The following ALDH2 variants were observed in gnomAD, a reference collection of about 807,000 sequenced individuals.
The protein encoded by ALDH2 is aldehyde dehydrogenase 2 family member, also known as aldehyde dehydrogenase, mitochondrial.
A neutral mutation model predicts 59.6 loss-of-function variants in ALDH2; 44 were observed. The observed-to-expected ratio is 0.74, with a 90% CI of 0.58 to 0.95. ALDH2 has a LOEUF of 0.95. Among genes scored for constraint, ALDH2 ranks in the 40% least tolerant of loss-of-function variants. ALDH2 has a pLI of 0.00. For synonymous variants in ALDH2, 291 were observed against 284.0 expected, an observed-to-expected ratio of 1.02 and a Z score of -0.25; for missense variants, 570 against 696.3, an observed-to-expected ratio of 0.82 and a Z score of 2.04.
At position 111,766,963 on chromosome 12, in the gene ALDH2, C is replaced by G; in HGVS notation, c.-20C>G. On this transcript the variant is annotated 5_prime_UTR_variant, in exon 1 of 13. Coordinates refer to ENST00000261733, the MANE Select transcript of ALDH2 (RefSeq NM_000690.4). Reference sequence around the variant, plus strand: ...CCTAGCTCTGCTCTCGGTCCGCTCGCTGTCCGCTAGCCCGCTGCGATGTTG... The same window carrying G: ...CCTAGCTCTGCTCTCGGTCCGCTCGGTGTCCGCTAGCCCGCTGCGATGTTG... 1.3e-6 allele frequency: 2 copies of G among 1,516,902 alleles called. No homozygotes were observed. The highest frequency in any genetic ancestry group is 1.8e-6 in the Non-Finnish European group (2 of 1,138,730). 94.0% of individuals were successfully genotyped at this position (1,516,902 alleles called of 1,614,324 possible). A position where few individuals can be genotyped will look rare whatever the true frequency, so the allele number is the denominator to read the frequency against.
intron 1 of ALDH2, among the ~76,000 whole-genome samples, chr12:111,781,160 A>C (rs767815259): frequency 2.0e-5 from 3 of 152,130 alleles, no homozygotes; most frequent in African/African-American, 7.2e-5. Context: ...TCTCACAACA[A>C]ATTTGTGTGG....
chr12:111,812,952 A>G lies in ALDH2; in HGVS notation c.*3377A>G, dbSNP rs2136032468. On this transcript the variant is annotated 3_prime_UTR_variant, in exon 13 of 13. Transcript: ENST00000261733. ...ATTGGAAAAAGTAGAGAAATGTAATATTTCTTTCCTGCTGTACTCACTGTA... is the reference window on the plus strand; with the variant it reads ...ATTGGAAAAAGTAGAGAAATGTAATGTTTCTTTCCTGCTGTACTCACTGTA... The G allele has an allele frequency of 6.6e-6, 1 of 152,308 alleles. No individual in the cohort carries two copies. The highest frequency in any genetic ancestry group is 1.9e-4 in the East Asian group (1 of 5,190). The allele number at this position is 152,308 out of a possible 1,614,324, so 9.4% of individuals were successfully genotyped here. A position where few individuals can be genotyped will look rare whatever the true frequency, so the allele number is the denominator to read the frequency against.
At chr12:111,801,091 A>G (rs576258256) in intron 11 of ALDH2, among the ~76,000 whole-genome samples, 1 of 152,350 alleles carries the variant, frequency 6.6e-6, no homozygotes, top group Admixed American at 6.5e-5. Flanking sequence ...GGACTCACAC[A>G]GTTCCACGTG....
At chr12:111,790,322 A>G (rs527603470) in intron 5 of ALDH2, 112 bp from the exon 6 acceptor site, 3 of 1,382,306 alleles carry the variant, frequency 2.2e-6, no homozygotes, top group Non-Finnish European at 3.0e-6. Context: ...GAGGACACGC[A>G]GGGTTCAGAG....
At chr12:111,774,868 A>G (rs1441213122) in intron 1 of ALDH2, among the ~76,000 whole-genome samples, 3 of 152,138 alleles carry the variant, frequency 2.0e-5, no homozygotes, top group Non-Finnish European at 2.9e-5. Flanking sequence ...CCTGGCATGG[A>G]GAACAAGATA....
At chr12:111,800,401 G>C (rs1453852086) in intron 11 of ALDH2, among the ~76,000 whole-genome samples, 2 of 152,130 alleles carry the variant, frequency 1.3e-5, no homozygotes, top group African/African-American at 4.8e-5. Flanking sequence ...CACTAGGATG[G>C]CTATATTTTT....
In ALDH2 at chr12:111,790,461, T is replaced by C; in HGVS notation, c.580T>C (p.Trp194Arg). The change falls in exon 6 of 13, where the codon TGG becomes CGG. Residue 194 changes from tryptophan to arginine, a missense_variant. Coordinates refer to ENST00000261733, the MANE Select transcript of ALDH2 (RefSeq NM_000690.4). ...GAATTTCCCGCTCCTGATGCAAGCA[T>C]GGAAGCTGGGCCCAGCCTTGGCAAC... ...PWNFPLLMQA[W>R]KLGPALATGN... is the part of the protein sequence containing the mutation. 6.2e-7 allele frequency: 1 copy of C among 1,614,132 alleles called. No homozygotes were observed. Among genetic ancestry groups the C allele is most frequent in the Non-Finnish European group, 8.5e-7 (1 of 1,180,014 alleles).
At chr12:111,791,998 A>G (rs894915968) in intron 7 of ALDH2, 63 bp from the exon 8 acceptor site, 5 of 1,020,950 alleles carry the variant, frequency 4.9e-6, no homozygotes, top group African/African-American at 3.2e-5. Context: ...TTCTGTGTCT[A>G]TAGAGTGCTG....
Position 111,803,932 on chromosome 12 carries a change from T to C in ALDH2, c.1480T>C (p.Leu494=), listed in dbSNP as rs780899853. 4 of 1,612,394 alleles carry C rather than the reference T, an allele frequency of 2.5e-6. No individual in the cohort carries two copies. In the Admixed American group the frequency reaches 5.0e-5, roughly 20 times the overall value. ...CAAGATGTCGGGGAGTGGCCGGGAG[T>C]TGGGCGAGTACGGGCTGCAGGCATA... ...GYKMSGSGRE[L]GEYGLQAYTE... The change falls in exon 12 of 13, where the codon TTG becomes CTG. Residue 494 remains leucine (L), a synonymous_variant. Coordinates refer to ENST00000261733, the MANE Select transcript of ALDH2 (RefSeq NM_000690.4).
chr12:111,782,101 C>T lies in ALDH2; in HGVS notation c.219+79C>T, dbSNP rs147035515. On this transcript the variant is annotated intron_variant, in intron 2 of 12. Transcript: ENST00000261733. ...ACGTTTTTGTGTGGTGAAAGCTTTA[C>T]CATATATGTGTATTACTTTCACAAG... The T allele has an allele frequency of 4.1e-5, 45 of 1,091,756 alleles. No homozygotes were observed. In the African/African-American group the frequency reaches 6.3e-4, roughly 15 times the overall value. The allele number at this position is 1,091,756 out of a possible 1,614,324, so 67.6% of individuals were successfully genotyped here. A position where few individuals can be genotyped will look rare whatever the true frequency, so the allele number is the denominator to read the frequency against.
intron 1 of ALDH2, among the ~76,000 whole-genome samples, chr12:111,780,506 T>G (rs1480703675): frequency 1.3e-5 from 2 of 152,214 alleles, no homozygotes; most frequent in African/African-American, 4.8e-5. Context: ...CAGCCTGGAC[T>G]GCTGGTCCTC....
chr12:111,814,131 A>G lies in ALDH2; in HGVS notation c.*4556A>G, dbSNP rs1018994894. Reference sequence around the variant, plus strand: ...GGGAGGCTGAGGCGGGTGGATCACGAGGTCAGGAGATCGAGACCATCCTGG... The same window carrying G: ...GGGAGGCTGAGGCGGGTGGATCACGGGGTCAGGAGATCGAGACCATCCTGG... On this transcript the variant is annotated 3_prime_UTR_variant, in exon 13 of 13. Transcript: ENST00000261733. 3 of 151,404 alleles carry G rather than the reference A, an allele frequency of 2.0e-5. No homozygotes were observed. The highest frequency in any genetic ancestry group is 2.0e-4 in the Admixed American group (3 of 15,198). The allele number at this position is 151,404 out of a possible 1,614,324, so 9.4% of individuals were successfully genotyped here.
intron 1 of ALDH2, among the ~76,000 whole-genome samples, chr12:111,771,217 A>G (rs2136006357): frequency 6.6e-6 from 1 of 152,012 alleles, no homozygotes; most frequent in East Asian, 2.0e-4. Context: ...GCAACATAGC[A>G]AAACTCCATC....
intron 2 of ALDH2, 122 bp from the exon 3 acceptor site, chr12:111,783,035 CG>C (rs995837040): frequency 3.1e-6 from 4 of 1,270,280 alleles, no homozygotes; most frequent in Non-Finnish European, 4.3e-6. Flanking sequence ...GCATTGTTTA[CG>C]GGGCAGGTTT....
At chr12:111,796,840 AG>A (rs1407008478) in intron 9 of ALDH2, among the ~76,000 whole-genome samples, 1 of 152,092 alleles carries the variant, frequency 6.6e-6, no homozygotes, top group Non-Finnish European at 1.5e-5. Flanking sequence ...GGGAGATTGA[AG>A]TTGCAGTGAG....
intron 9 of ALDH2, among the ~76,000 whole-genome samples, chr12:111,794,922 C>T (rs904223326): frequency 6.6e-6 from 1 of 152,158 alleles, no homozygotes; most frequent in Non-Finnish European, 1.5e-5. Flanking sequence ...GTGCAACCAT[C>T]ACCACTAATT....
chr12:111,790,634 G>C, intron 6 of ALDH2, 72 bp downstream of exon 6: 5 of 1,586,126 alleles, frequency 3.2e-6, no homozygotes, highest in Non-Finnish European at 3.5e-6. Flanking sequence ...TTCTGAGAAG[G>C]GTCTCAGGGG....
chr12:111,775,716 G>A (rs1192058672), intron 1 of ALDH2: 2 of 455,016 alleles, frequency 4.4e-6, no homozygotes, highest in Admixed American at 2.4e-5. Flanking sequence ...GTTTACGTGT[G>A]TTATGTAAGT....
intron 9 of ALDH2, among the ~76,000 whole-genome samples, chr12:111,796,775 A>G (rs2068407835): frequency 6.6e-6 from 1 of 151,792 alleles, no homozygotes; most frequent in African/African-American, 2.4e-5. Context: ...GTGTGGTGGC[A>G]CACACCTGTG....
Sources: allele counts gnomAD v4.1 joint callset (sites outside exome capture counted in the v4.1 genomes callset), GRCh38; gene constraint gnomAD v4.1.1; transcripts MANE v1.5; gene names NCBI Gene and HGNC (gene_info 2026-07-23, HGNC 2026-07-21).